RIC1: variants seen among roughly 807,000 people sequenced by gnomAD.
The protein encoded by RIC1 is guanine nucleotide exchange factor subunit RIC1.
Under a neutral mutation model 169.0 loss-of-function variants are expected in RIC1, and 88 were observed. The observed-to-expected ratio is 0.52, with a 90% CI of 0.44 to 0.62. The LOEUF (loss-of-function observed/expected upper bound fraction) is 0.62, where lower values mean the gene tolerates loss of function less well. Ranked by LOEUF, RIC1 falls within the 20% of genes least tolerant of loss-of-function variation. RIC1 has a pLI of 0.00. For synonymous variants in RIC1, 790 were observed against 601.5 expected (o/e 1.31, Z -4.59); for missense variants, 1,877 against 1,725.5 (o/e 1.09, Z -1.56).
chr9:5,732,363 C>A (rs778970951), intron 6 of RIC1, 25 bp from the exon 7 acceptor site: 3 of 1,555,312 alleles, frequency 1.9e-6, no homozygotes, highest in East Asian at 2.3e-5. Flanking sequence ...ACTTTTTAAG[C>A]CTTAACTATT....
chr9:5,744,935 A>G (rs924173699), intron 10 of RIC1, among the ~76,000 whole-genome samples: 9 of 152,152 alleles, frequency 5.9e-5, no homozygotes, highest in African/African-American at 1.9e-4. Context: ...CCACAGAGGA[A>G]GACATTCTTC....
intron 22 of RIC1, 168 bp downstream of exon 22, chr9:5,769,424 G>T (rs1274723115): frequency 6.5e-7 from 1 of 1,540,146 alleles, no homozygotes. Context: ...TTTGACCAAA[G>T]ATGTAAATAA....
At chr9:5,719,332 A>T (rs1237163781) in intron 4 of RIC1, 1 of 152,252 alleles carries the variant, frequency 6.6e-6, no homozygotes, top group Non-Finnish European at 1.5e-5. Context: ...AGAGGTGAGC[A>T]AAACAGGCTA....
At chr9:5,733,365 G>A (rs966137628) in intron 7 of RIC1, among the ~76,000 whole-genome samples, 4 of 150,830 alleles carry the variant, frequency 2.7e-5, no homozygotes, top group African/African-American at 4.9e-5. Flanking sequence ...CTGGGTTCAC[G>A]CCATTCTCCT....
intron 2 of RIC1, among the ~76,000 whole-genome samples, chr9:5,676,893 C>T (rs1212818715): frequency 4.6e-5 from 7 of 152,154 alleles, no homozygotes; most frequent in African/African-American, 1.4e-4. Context: ...TATTAGTTTA[C>T]GGATTTCTCA....
intron 3 of RIC1, among the ~76,000 whole-genome samples, chr9:5,707,556 A>T (rs1279998650): frequency 6.6e-6 from 1 of 151,904 alleles, no homozygotes; most frequent in African/African-American, 2.4e-5. Flanking sequence ...CTCTGATGCT[A>T]TATTTGAATC....
chr9:5,722,371 G>A (rs1823658881), intron 6 of RIC1, among the ~76,000 whole-genome samples: 1 of 150,170 alleles, frequency 6.7e-6, no homozygotes, highest in African/African-American at 2.5e-5. Context: ...GTGTGTGTGT[G>A]TGTGTGTGTG....
intron 1 of RIC1, among the ~76,000 whole-genome samples, chr9:5,640,296 C>T (rs1586863323): frequency 6.6e-6 from 1 of 152,134 alleles, no homozygotes; most frequent in East Asian, 1.9e-4. Context: ...TTATTTTAAA[C>T]TCACGACAAC....
At chr9:5,679,780 C>G (rs1820700890) in intron 2 of RIC1, among the ~76,000 whole-genome samples, 1 of 152,242 alleles carries the variant, frequency 6.6e-6, no homozygotes, top group Non-Finnish European at 1.5e-5. Flanking sequence ...ATCATGTCAT[C>G]TGCAGACAGG....
At position 5,659,788 on chromosome 9, in the gene RIC1, T is replaced by G. The variant is rs540268838; in HGVS notation, c.252+3098T>G. ...TTTGATGCTATTGTAAATGGAATTG[T>G]TTTTAAGTTTCCTTTTCAGTTGTTC... On this transcript the variant is annotated intron_variant, in intron 2 of 25. Coordinates refer to ENST00000414202, the MANE Select transcript of RIC1 (RefSeq NM_020829.4). 7.2e-5 allele frequency among the ~76,000 whole-genome samples: 11 copies of G among 152,324 alleles called. No homozygotes were observed. In the South Asian group the frequency reaches 2.3e-3, roughly 32 times the overall value.
intron 6 of RIC1, among the ~76,000 whole-genome samples, chr9:5,724,208 ATTTG>A (rs1383802513): frequency 6.6e-6 from 1 of 152,206 alleles, no homozygotes; most frequent in Non-Finnish European, 1.5e-5. Context: ...AAGTTCTTTC[ATTTG>A]TTTGTGTCCT....
In RIC1 at chr9:5,629,128, G is replaced by T. The variant is rs955072649; in HGVS notation, c.-182G>T. On this transcript the variant is annotated 5_prime_UTR_variant, in exon 1 of 26. Transcript: ENST00000414202. The stretch of plus-strand genomic sequence containing the variant: ...CCCCACACTCGGCCCCGTCAGCTTG[G>T]GGGTGCCTTCGTCGCGCAGCCTTGC... 13 of 434,090 alleles carry T rather than the reference G, an allele frequency of 3.0e-5. No individual in the cohort carries two copies. The highest frequency in any genetic ancestry group is 2.5e-4 in the African/African-American group (12 of 48,146). The allele number at this position is 434,090 out of a possible 1,614,324, so 26.9% of individuals were successfully genotyped here.
At chr9:5,729,635 C>T (rs1563932352) in intron 6 of RIC1, among the ~76,000 whole-genome samples, 1 of 152,074 alleles carries the variant, frequency 6.6e-6, no homozygotes. Context: ...TATTTATATT[C>T]AGTCATCTCT....
intron 7 of RIC1, 102 bp downstream of exon 7, chr9:5,732,581 A>G: frequency 1.6e-6 from 1 of 609,660 alleles, no homozygotes; most frequent in Non-Finnish European, 2.8e-6. Flanking sequence ...TATAAACTGC[A>G]TCATGCTATC....
chr9:5,699,495 C>CTT (rs201602959), intron 3 of RIC1, among the ~76,000 whole-genome samples: 5 of 142,630 alleles, frequency 3.5e-5, no homozygotes, highest in African/African-American at 1.0e-4. Flanking sequence ...ATTTCAATGT[C>CTT]TTTTTTTTTT....
rs1826419094 is a variant in RIC1 at position 5,762,635 on chromosome 9, G to C, written c.2087G>C (p.Ser696Thr). The change falls in exon 18 of 26, where the codon AGT (serine) becomes ACT (threonine). Residue 696 changes from serine to threonine, a missense_variant. By Grantham distance (58) the Ser-to-Thr change is moderately conservative. Transcript: ENST00000414202. ...RSGPQIREKD[S>T]NPNNQRKLLP... is the part of the protein sequence containing the mutation. ...GGCCCACAGATCCGGGAGAAGGACA[G>C]TAACCCTAATAACCAAAGGAAACTT... 1 of 1,613,964 alleles carries C rather than the reference G, an allele frequency of 6.2e-7. No homozygotes were observed.
At chr9:5,723,785 C>T (rs555118279) in intron 6 of RIC1, among the ~76,000 whole-genome samples, 64 of 152,220 alleles carry the variant, frequency 4.2e-4, no homozygotes, top group Middle Eastern at 3.4e-3. Context: ...ATGGCTAGCC[C>T]GTTTTACCAG....
rs1397875366 is a variant in RIC1, at chr9:5,685,967, G to GAT, written c.253-3991_253-3990insTA. Among the ~76,000 whole-genome samples the GAT allele has an allele frequency of 3.3e-5, 5 of 151,926 alleles. No homozygotes were observed. In the East Asian group the frequency reaches 9.7e-4, roughly 29 times the overall value. On this transcript the variant is annotated intron_variant, in intron 2 of 25. Transcript: ENST00000414202. ...CAAACCCATCAAAAAGTGGGCGAAGGACATGAACAGACACTTCTGAAAAGA... is the reference window on the plus strand; with the variant it reads ...CAAACCCATCAAAAAGTGGGCGAAGGATACATGAACAGACACTTCTGAAAAGA...
intron 1 of RIC1, among the ~76,000 whole-genome samples, chr9:5,641,310 C>G (rs895356394): frequency 3.9e-5 from 6 of 152,156 alleles, no homozygotes; most frequent in Admixed American, 3.9e-4. Context: ...CCAGGATGGT[C>G]TCGATCTCCT....
Sources: gnomAD v4.1 joint callset for allele counts (sites outside exome capture counted in the v4.1 genomes callset) on GRCh38, gnomAD v4.1.1 for gene constraint, MANE v1.5 for transcripts, NCBI Gene and HGNC (gene_info 2026-07-23, HGNC 2026-07-21) for gene names.